GPBP1: variants seen among roughly 807,000 people sequenced by gnomAD.
GPBP1 encodes vasculin.
In GPBP1, 13 loss-of-function variants were observed where a neutral mutation model predicts 56.5. That is an observed-to-expected ratio of 0.23 (90% confidence interval 0.15 to 0.37). The LOEUF is 0.37. Among genes scored for constraint, GPBP1 ranks in the 10% least tolerant of loss-of-function variants. The pLI is 1.00. For missense variants in GPBP1, 477 were observed against 572.3 expected (o/e 0.83, Z 1.70); for synonymous variants, 204 against 188.9 (o/e 1.08, Z -0.66).
chr5:57,206,756 C>A (rs940838195), intron 2 of GPBP1, among the ~76,000 whole-genome samples: 3 of 152,050 alleles, frequency 2.0e-5, no homozygotes, highest in Non-Finnish European at 4.4e-5. Flanking sequence ...AAGACAATTC[C>A]GTATTGAATC....
intron 2 of GPBP1, among the ~76,000 whole-genome samples, chr5:57,190,575 C>A (rs1192236126): frequency 3.4e-5 from 5 of 148,672 alleles, no homozygotes; most frequent in Non-Finnish European, 5.9e-5. Flanking sequence ...CAGAGCAAGA[C>A]TCCATCTCAG....
intron 3 of GPBP1, among the ~76,000 whole-genome samples, chr5:57,227,923 TG>T (rs1756267939): frequency 6.6e-6 from 1 of 152,110 alleles, no homozygotes; most frequent in Non-Finnish European, 1.5e-5. Flanking sequence ...GATAGAAAAC[TG>T]GTATTATTTA....
At chr5:57,246,608 G>A (rs1741102298) in intron 7 of GPBP1, 124 bp downstream of exon 7, 4 of 670,344 alleles carry the variant, frequency 6.0e-6, no homozygotes, top group Admixed American at 3.0e-5. Flanking sequence ...AGTTCTAGGT[G>A]GCAAGAGTTG....
Position 57,200,591 on chromosome 5 carries a change from C to A in GPBP1, c.-57-13483C>A, listed in dbSNP as rs541085457. 2.0e-5 allele frequency among the ~76,000 whole-genome samples: 3 copies of A among 151,568 alleles called. No individual in the cohort carries two copies. In the South Asian group the frequency reaches 6.3e-4, roughly 32 times the overall value. The stretch of plus-strand genomic sequence containing the variant: ...ACCAAGTTGGCCAGGCTGGCCTCGA[C>A]CTCCTGACCTTGTGATTCTCCCGCC... On this transcript the variant is annotated intron_variant, in intron 2 of 11. Coordinates refer to ENST00000506184, the MANE Select transcript of GPBP1 (RefSeq NM_022913.4).
At chr5:57,206,701 A>AG (rs34366191) in intron 2 of GPBP1, among the ~76,000 whole-genome samples, 34,177 of 152,118 alleles carry the variant, frequency 0.22, 4,871 homozygotes, top group Middle Eastern at 0.33. Flanking sequence ...TGGTTTGGGT[A>AG]GGGGGGTCCA....
At chr5:57,259,344 G>A (rs1207971016) in intron 10 of GPBP1, among the ~76,000 whole-genome samples, 2 of 152,146 alleles carry the variant, frequency 1.3e-5, no homozygotes, top group African/African-American at 4.8e-5. Context: ...TCTGAAAAAA[G>A]GTCTAAAAGT....
At position 57,263,714 on chromosome 5, in the gene GPBP1, G is replaced by T. The variant is rs755790209; in HGVS notation, c.*962G>T. 1 of 152,142 alleles carries T rather than the reference G, an allele frequency of 6.6e-6. No individual in the cohort carries two copies. Among genetic ancestry groups the T allele is most frequent in the African/African-American group, 2.4e-5 (1 of 41,524 alleles). The allele number at this position is 152,142 out of a possible 1,614,324, so 9.4% of individuals were successfully genotyped here. A position where few individuals can be genotyped will look rare whatever the true frequency, so the allele number is the denominator to read the frequency against. On this transcript the variant is annotated 3_prime_UTR_variant, in exon 12 of 12. Coordinates refer to ENST00000506184, the MANE Select transcript of GPBP1 (RefSeq NM_022913.4). ...TACTAAAGATGGTGATTACTTTTCCGAGGTCAGAAAAGGAAAGCTAAGCGT... is the reference window on the plus strand; with the variant it reads ...TACTAAAGATGGTGATTACTTTTCCTAGGTCAGAAAAGGAAAGCTAAGCGT...
At chr5:57,187,887 A>G (rs1404571408) in intron 2 of GPBP1, among the ~76,000 whole-genome samples, 2 of 56,610 alleles carry the variant, frequency 3.5e-5, no homozygotes, top group African/African-American at 1.1e-4. Context: ...CAGAAACCAG[A>G]TATATATATA....
intron 3 of GPBP1, among the ~76,000 whole-genome samples, chr5:57,220,804 C>T (rs1278099282): frequency 6.6e-6 from 1 of 151,666 alleles, no homozygotes; most frequent in Non-Finnish European, 1.5e-5. Flanking sequence ...TGTTTCTTTG[C>T]CCAAAGTGGT....
At chr5:57,242,711 G>A (rs1225421222) in intron 6 of GPBP1, among the ~76,000 whole-genome samples, 1 of 152,114 alleles carries the variant, frequency 6.6e-6, no homozygotes, top group Non-Finnish European at 1.5e-5. Context: ...CTCCGAAAGT[G>A]CTGGAATTAC....
intron 7 of GPBP1, among the ~76,000 whole-genome samples, chr5:57,246,705 A>T (rs532618115): frequency 2.6e-4 from 38 of 147,098 alleles, no homozygotes; most frequent in East Asian, 1.8e-3. Flanking sequence ...AAACTTAAAA[A>T]TTTTTTTTTT....
chr5:57,246,389 G>A lies in GPBP1; in HGVS notation c.568G>A (p.Val190Ile). The part of the protein sequence containing the change: ...TKDLQLSGFP[V>I]VGNLPSQPVK... The stretch of plus-strand genomic sequence containing the variant: ...AGACTTACAGCTATCTGGATTCCCA[G>A]TAGTAGGAAATCTTCCGTCACAGCC... Residue 190 changes from valine (V) to isoleucine (I), a missense_variant, in exon 7 of 12, where the codon GTA becomes ATA. This residue lies in a region of GPBP1 where 414 missense variants were observed against 458.2 expected (regional missense o/e 0.90). Coordinates refer to ENST00000506184, the MANE Select transcript of GPBP1 (RefSeq NM_022913.4). 1 of 1,613,560 alleles carries A rather than the reference G, an allele frequency of 6.2e-7. No individual in the cohort carries two copies. Among genetic ancestry groups the A allele is most frequent in the South Asian group, 1.1e-5 (1 of 91,062 alleles).
chr5:57,218,745 G>A (rs1248862859), intron 3 of GPBP1, among the ~76,000 whole-genome samples: 1 of 152,160 alleles, frequency 6.6e-6, no homozygotes, highest in Non-Finnish European at 1.5e-5. Context: ...GATAACAGGC[G>A]TGAGCCACCA....
At chr5:57,178,167 A>G (rs1753878301) in intron 2 of GPBP1, among the ~76,000 whole-genome samples, 1 of 152,230 alleles carries the variant, frequency 6.6e-6, no homozygotes, top group African/African-American at 2.4e-5. Flanking sequence ...GCTTAACAAT[A>G]TGCATCTTAA....
chr5:57,235,732 A>G (rs185428830), intron 5 of GPBP1, among the ~76,000 whole-genome samples: 5 of 152,258 alleles, frequency 3.3e-5, no homozygotes, highest in African/African-American at 1.2e-4. Flanking sequence ...TACGTTTATT[A>G]TTTCAGCATC....
intron 6 of GPBP1, chr5:57,237,559 T>G (rs1740596317): frequency 5.8e-6 from 1 of 172,334 alleles, no homozygotes; most frequent in Non-Finnish European, 1.3e-5. Flanking sequence ...AACTAAGAAA[T>G]GTGTCTGCAT....
At chr5:57,183,765 ATT>A (rs34608817) in intron 2 of GPBP1, among the ~76,000 whole-genome samples, 1 of 133,252 alleles carries the variant, frequency 7.5e-6, no homozygotes, top group Non-Finnish European at 1.6e-5. Flanking sequence ...GGGGATATGA[ATT>A]TTTTTTTTTT....
intron 2 of GPBP1, among the ~76,000 whole-genome samples, chr5:57,179,196 A>C (rs533022607): frequency 6.6e-6 from 1 of 152,328 alleles, no homozygotes; most frequent in South Asian, 2.1e-4. Context: ...TTATTTGAAC[A>C]TTATCTTTGA....
Position 57,220,291 on chromosome 5 carries a change from ATT to A in GPBP1, c.63+6099_63+6100del, listed in dbSNP as rs974660939. ...TGTGAGCCATTGAGCCTGGCTGATA[ATT>A]GTTAACGTGCGTTGAAATTCTCAAT... On this transcript the variant is annotated intron_variant, in intron 3 of 11. Transcript: ENST00000506184. Among the ~76,000 whole-genome samples the A allele has an allele frequency of 7.2e-5, 11 of 151,978 alleles. No individual in the cohort carries two copies. In the East Asian group the frequency reaches 1.8e-3, roughly 24 times the overall value.
Sources: gnomAD v4.1 joint callset for allele counts (sites outside exome capture counted in the v4.1 genomes callset) on GRCh38, gnomAD v4.1.1 for gene constraint, gnomAD v4.1.1 regional missense constraint, MANE v1.5 for transcripts, NCBI Gene and HGNC (gene_info 2026-07-23, HGNC 2026-07-21) for gene names.